Variants in TCF4 observed in about 807,000 individuals in gnomAD.
The protein encoded by TCF4 is transcription factor 4, also known as SL3-3 enhancer factor 2.
In TCF4, 3 loss-of-function variants were observed where a neutral mutation model predicts 82.1. That is an observed-to-expected ratio of 0.04 (90% CI 0.02 to 0.09). The LOEUF is 0.09. TCF4 is among the 10% of genes least tolerant of loss of function. The pLI, the probability that TCF4 is intolerant of heterozygous loss-of-function variation, is 1.00. For missense variants in TCF4, 518 were observed against 852.7 expected, an observed-to-expected ratio of 0.61 and a Z score of 4.89; for synonymous variants, 276 against 309.6, an observed-to-expected ratio of 0.89 and a Z score of 1.14.
chr18:55,345,635 T>TA, intron 8 of TCF4, among the ~76,000 whole-genome samples: 1 of 152,298 alleles, frequency 6.6e-6, no homozygotes, highest in Non-Finnish European at 1.5e-5. Context: ...TTAACAATTA[T>TA]ACTTCTTCAC....
At chr18:55,235,887 G>A (rs1217677908) in intron 15 of TCF4, among the ~76,000 whole-genome samples, 3 of 152,048 alleles carry the variant, frequency 2.0e-5, no homozygotes, top group Non-Finnish European at 4.4e-5. Context: ...TTTTAAAAGG[G>A]TATTTCCAAA....
intron 3 of TCF4, chr18:55,510,622 C>A: frequency 6.6e-7 from 1 of 1,516,348 alleles, no homozygotes; most frequent in Non-Finnish European, 8.8e-7. Flanking sequence ...ATAAATTCCC[C>A]CAATATATCT....
At chr18:55,314,384 A>G (rs960099010) in intron 8 of TCF4, among the ~76,000 whole-genome samples, 13 of 152,180 alleles carry the variant, frequency 8.5e-5, no homozygotes, top group African/African-American at 2.9e-4. Context: ...TCTGCAATTT[A>G]TATTTAAAAG....
intron 11 of TCF4, chr18:55,265,922 T>C (rs73488961): frequency 0.045 from 6,807 of 152,290 alleles, 288 homozygotes; most frequent in African/African-American, 0.11. Context: ...AAAGACCACG[T>C]ATTAGAATGC....
intron 5 of TCF4, among the ~76,000 whole-genome samples, chr18:55,413,641 G>A (rs1250510796): frequency 6.6e-6 from 1 of 152,068 alleles, no homozygotes; most frequent in Non-Finnish European, 1.5e-5. Flanking sequence ...CTGAATCTAG[G>A]AGCATGACTC....
chr18:55,253,809 C>T (rs1327321107), intron 15 of TCF4, among the ~76,000 whole-genome samples: 1 of 151,908 alleles, frequency 6.6e-6, no homozygotes, highest in Non-Finnish European at 1.5e-5. Flanking sequence ...ATTTGAATTA[C>T]TAGCAATGTC....
chr18:55,469,474 A>T (rs1249716336), intron 3 of TCF4: 2 of 152,024 alleles, frequency 1.3e-5, no homozygotes, highest in African/African-American at 4.8e-5. Flanking sequence ...AAAAAAAAAT[A>T]ATAAATAAAG....
intron 15 of TCF4, among the ~76,000 whole-genome samples, chr18:55,252,712 G>A (rs968895373): frequency 6.6e-6 from 1 of 152,098 alleles, no homozygotes; most frequent in Non-Finnish European, 1.5e-5. Flanking sequence ...TGTTACATCC[G>A]TTTAACATAT....
At chr18:55,578,581 G>A (rs1365583422) in intron 3 of TCF4, among the ~76,000 whole-genome samples, 4 of 151,996 alleles carry the variant, frequency 2.6e-5, no homozygotes, top group Admixed American at 6.6e-5. Context: ...AAAAGTTGAC[G>A]GATTTTGTAT....
At chr18:55,577,661 C>T (rs2097542332) in intron 3 of TCF4, among the ~76,000 whole-genome samples, 1 of 152,058 alleles carries the variant, frequency 6.6e-6, no homozygotes, top group South Asian at 2.1e-4. Flanking sequence ...CTTAAGTCTT[C>T]ACATGGGAAA....
At chr18:55,424,344 A>G (rs1431808746) in intron 5 of TCF4, among the ~76,000 whole-genome samples, 4 of 152,196 alleles carry the variant, frequency 2.6e-5, no homozygotes, top group Non-Finnish European at 4.4e-5. Context: ...TTGGCATCCT[A>G]TATCACAAAC....
chr18:55,279,241 G>A (rs556772532), intron 9 of TCF4, among the ~76,000 whole-genome samples: 2 of 152,302 alleles, frequency 1.3e-5, no homozygotes, highest in Admixed American at 6.5e-5. Context: ...CAGCTACATC[G>A]TCTTGGGGAT....
chr18:55,251,336 C>T (rs2055030814), intron 15 of TCF4, among the ~76,000 whole-genome samples: 1 of 151,960 alleles, frequency 6.6e-6, no homozygotes, highest in South Asian at 2.1e-4. Flanking sequence ...AAAAAAATCC[C>T]TTTCATTATA....
intron 2 of TCF4, among the ~76,000 whole-genome samples, chr18:55,630,045 G>A (rs2097730146): frequency 1.3e-5 from 2 of 152,108 alleles, no homozygotes; most frequent in South Asian, 2.1e-4. Context: ...TACCTCATCT[G>A]TGTAATTTAA....
chr18:55,589,464 C>A (rs1166440663), upstream of TCF4: 5 of 1,056,188 alleles, frequency 4.7e-6, no homozygotes, highest in Admixed American at 1.6e-4. Flanking sequence ...AGATTATGCA[C>A]CTGGCTCTGG....
rs557001886 is a variant in TCF4 at position 55,516,352 on chromosome 18, A to T, written c.146-52215T>A. On this transcript the variant is annotated intron_variant, in intron 3 of 19. Coordinates refer to ENST00000354452, the MANE Select transcript of TCF4 (RefSeq NM_001083962.2). ...CTAAATCTTAGTTTGGTCTTATCTA[A>T]ATCTAAAATAATATACTGTCTGGTT... Among the ~76,000 whole-genome samples, 24 of 152,224 alleles carry T rather than the reference A, an allele frequency of 1.6e-4. 1 individual carries two copies. In the Middle Eastern group the frequency reaches 0.014, roughly 86 times the overall value.
chr18:55,335,529 A>T (rs1317166000), intron 8 of TCF4, among the ~76,000 whole-genome samples: 1 of 152,210 alleles, frequency 6.6e-6, no homozygotes, highest in Non-Finnish European at 1.5e-5. Flanking sequence ...GGCATTCAAA[A>T]ATAAAGAAGA....
chr18:55,483,288 T>C (rs545998805), intron 3 of TCF4, among the ~76,000 whole-genome samples: 66 of 152,390 alleles, frequency 4.3e-4, no homozygotes, highest in Middle Eastern at 3.4e-3. Context: ...GTTTTCATCT[T>C]GTCCACTGTT....
At chr18:55,510,463 TAA>T in intron 3 of TCF4, 1 of 762,996 alleles carries the variant, frequency 1.3e-6, no homozygotes, top group Non-Finnish European at 1.9e-6. Flanking sequence ...GAAGCCTTTG[TAA>T]AAACCCCAGT....
Sources: allele counts gnomAD v4.1 joint callset (sites outside exome capture counted in the v4.1 genomes callset), GRCh38; gene constraint gnomAD v4.1.1; transcripts MANE v1.5; gene names NCBI Gene and HGNC (gene_info 2026-07-23, HGNC 2026-07-21).